The following EBF2 variants were observed in gnomAD, a reference collection of about 807,000 sequenced individuals.
EBF2 encodes the protein EBF transcription factor 2.
EBF2 carries 21 observed loss-of-function variants against 72.8 expected under a neutral mutation model. The observed-to-expected ratio is 0.29, with a 90% CI of 0.20 to 0.42. The LOEUF (loss-of-function observed/expected upper bound fraction) is 0.42. Among genes scored for constraint, EBF2 ranks in the 10% least tolerant of loss-of-function variants. EBF2 has a pLI of 1.00. For synonymous variants in EBF2, 299 were observed against 274.2 expected (o/e 1.09, Z -0.89); for missense variants, 637 against 731.2 (o/e 0.87, Z 1.49).
At chr8:25,879,953 C>T (rs12677091) in intron 10 of EBF2, among the ~76,000 whole-genome samples, 83,145 of 152,052 alleles carry the variant, frequency 0.55, 25,538 homozygotes, top group African/African-American at 0.83. Context: ...GCAGTTGGGA[C>T]TTTTTATTAT....
intron 9 of EBF2, 41 bp from the exon 10 acceptor site, chr8:25,886,922 C>G: frequency 6.2e-7 from 1 of 1,602,454 alleles, no homozygotes; most frequent in Non-Finnish European, 8.5e-7. Flanking sequence ...ACCCATTAGA[C>G]AAGCCATCAC....
intron 10 of EBF2, among the ~76,000 whole-genome samples, chr8:25,872,459 C>T (rs1802456242): frequency 6.6e-6 from 1 of 152,034 alleles, no homozygotes; most frequent in Non-Finnish European, 1.5e-5. Flanking sequence ...CATCAGGAGG[C>T]CAATAAAAGT....
intron 6 of EBF2, among the ~76,000 whole-genome samples, chr8:25,916,337 C>CA (rs558840081): frequency 2.1e-4 from 31 of 146,314 alleles, no homozygotes; most frequent in South Asian, 1.5e-3. Flanking sequence ...ACAACAACAA[C>CA]AAAAAAACAC....
intron 6 of EBF2, among the ~76,000 whole-genome samples, chr8:25,943,162 T>A (rs1367146503): frequency 6.6e-6 from 1 of 151,888 alleles, no homozygotes; most frequent in Non-Finnish European, 1.5e-5. Flanking sequence ...GGCCACCTAG[T>A]TGAAACATCT....
At chr8:25,969,386 G>A (rs1264512115) in intron 6 of EBF2, among the ~76,000 whole-genome samples, 1 of 152,236 alleles carries the variant, frequency 6.6e-6, no homozygotes, top group East Asian at 1.9e-4. Flanking sequence ...TCAGAAAATA[G>A]AAGATAATCG....
chr8:25,957,570 T>G (rs1585207849), intron 6 of EBF2, among the ~76,000 whole-genome samples: 1 of 152,094 alleles, frequency 6.6e-6, no homozygotes, highest in African/African-American at 2.4e-5. Context: ...GGACAAGAAA[T>G]AGAGGGGACC....
chr8:25,870,631 C>T lies in EBF2; in HGVS notation c.1010-7834G>A, dbSNP rs1802420757. 6.6e-5 allele frequency among the ~76,000 whole-genome samples: 10 copies of T among 152,184 alleles called. No homozygotes were observed. In the South Asian group the frequency reaches 2.1e-3, roughly 32 times the overall value. On this transcript the variant is annotated intron_variant, in intron 10 of 15. Coordinates refer to ENST00000520164, the MANE Select transcript of EBF2 (RefSeq NM_022659.4). ...AAATATAATTTATCACGCATTTGCA[C>T]CCATTGTTCTCCCAACCAGATTGCA...
rs772851369 is a variant in EBF2 at position 26,039,997 on chromosome 8, C to T, written c.482+31G>A. On this transcript the variant is annotated intron_variant, in intron 5 of 15. Transcript: ENST00000520164. ...CGGGGCTGGAGCACCTGCGGGCTCT[C>T]CAGGAAGGCCTGGGAAAAGGCGGCT... The T allele has an allele frequency of 3.7e-6, 6 of 1,610,394 alleles. No individual in the cohort carries two copies. The South Asian group carries it at 6.6e-5, about 18-fold the overall frequency.
chr8:25,967,271 T>C (rs1804129775), intron 6 of EBF2, among the ~76,000 whole-genome samples: 1 of 152,206 alleles, frequency 6.6e-6, no homozygotes, highest in South Asian at 2.1e-4. Flanking sequence ...TTTTAGAAGA[T>C]ACAAAGAAAA....
intron 6 of EBF2, among the ~76,000 whole-genome samples, chr8:26,007,211 T>A (rs1196961088): frequency 6.6e-6 from 1 of 152,116 alleles, no homozygotes; most frequent in Non-Finnish European, 1.5e-5. Context: ...AATTATTGGA[T>A]CAACAGGGAG....
intron 6 of EBF2, among the ~76,000 whole-genome samples, chr8:25,991,197 A>G (rs1301069533): frequency 6.6e-6 from 1 of 152,218 alleles, no homozygotes; most frequent in Non-Finnish European, 1.5e-5. Context: ...ATACTGGGAA[A>G]GTTTGTATTT....
chr8:25,933,197 C>T (rs938220383), intron 6 of EBF2, among the ~76,000 whole-genome samples: 1 of 152,124 alleles, frequency 6.6e-6, no homozygotes, highest in African/African-American at 2.4e-5. Flanking sequence ...CTAAAAATGT[C>T]AAAGTTAACT....
intron 8 of EBF2, among the ~76,000 whole-genome samples, chr8:25,888,617 CT>C: frequency 6.6e-6 from 1 of 152,210 alleles, no homozygotes; most frequent in African/African-American, 2.4e-5. Flanking sequence ...TAGTTGAAGG[CT>C]TTTTTCAGCT....
intron 15 of EBF2, among the ~76,000 whole-genome samples, chr8:25,845,564 A>C (rs1197359915): frequency 1.3e-5 from 2 of 152,218 alleles, no homozygotes; most frequent in Non-Finnish European, 2.9e-5. Flanking sequence ...TGAATGGAGT[A>C]ATCTAATTCT....
intron 6 of EBF2, among the ~76,000 whole-genome samples, chr8:25,991,161 T>A (rs529508786): frequency 6.6e-6 from 1 of 152,222 alleles, no homozygotes; most frequent in African/African-American, 2.4e-5. Context: ...TCTGCCATCA[T>A]TTTTCCTCAG....
chr8:25,875,018 C>G (rs1802499414), intron 10 of EBF2, among the ~76,000 whole-genome samples: 1 of 152,036 alleles, frequency 6.6e-6, no homozygotes, highest in African/African-American at 2.4e-5. Context: ...CTTGTGACCC[C>G]CTGTCCCTCT....
chr8:26,042,489 G>C (rs1037336743), intron 1 of EBF2, among the ~76,000 whole-genome samples: 1 of 151,958 alleles, frequency 6.6e-6, no homozygotes, highest in African/African-American at 2.4e-5. Flanking sequence ...ACCACCAAGT[G>C]GTCCGGCATC....
chr8:25,984,569 C>T (rs1039882072), intron 6 of EBF2, among the ~76,000 whole-genome samples: 4 of 152,042 alleles, frequency 2.6e-5, no homozygotes, highest in African/African-American at 4.8e-5. Context: ...GCAGTTCCAG[C>T]GACTCGGGAG....
chr8:26,003,748 G>T (rs1327411133), intron 6 of EBF2, among the ~76,000 whole-genome samples: 1 of 152,132 alleles, frequency 6.6e-6, no homozygotes, highest in Non-Finnish European at 1.5e-5. Context: ...TGACAGCCAG[G>T]ATTATTGAGA....
Sources: allele counts gnomAD v4.1 joint callset (sites outside exome capture counted in the v4.1 genomes callset), GRCh38; gene constraint gnomAD v4.1.1; transcripts MANE v1.5; gene names NCBI Gene and HGNC (gene_info 2026-07-23, HGNC 2026-07-21).